The following ESR1 variants were observed in gnomAD, a reference collection of about 807,000 sequenced individuals.
The protein encoded by ESR1 is estrogen receptor 1.
In ESR1, 12 loss-of-function variants were observed where a neutral mutation model predicts 52.7. The ratio of observed to expected loss-of-function variants is 0.23; its 90% CI spans 0.15 to 0.37. The LOEUF (loss-of-function observed/expected upper bound fraction) is 0.37, where lower values mean the gene tolerates loss of function less well. Among genes scored for constraint, ESR1 ranks in the 10% least tolerant of loss-of-function variants. The pLI, the probability that ESR1 is intolerant of heterozygous loss-of-function variation, is 1.00. For synonymous variants in ESR1, 305 were observed against 316.8 expected, an observed-to-expected ratio of 0.96 and a Z score of 0.39; for missense variants, 584 against 779.7, an observed-to-expected ratio of 0.75 and a Z score of 2.99.
chr6:151,678,735 G>A (rs1471376678), intron 1 of ESR1, among the ~76,000 whole-genome samples: 1 of 150,130 alleles, frequency 6.7e-6, no homozygotes, highest in African/African-American at 2.4e-5. Context: ...TGCCTGGGCT[G>A]GAGTACAGTG....
At chr6:151,954,305 TGA>T (rs578200624) in intron 4 of ESR1, among the ~76,000 whole-genome samples, 256 of 152,346 alleles carry the variant, frequency 1.7e-3, no homozygotes, top group Non-Finnish European at 3.2e-3. Flanking sequence ...TTACAATTCT[TGA>T]GACAAATTCA....
intron 4 of ESR1, among the ~76,000 whole-genome samples, chr6:151,980,501 AC>A (rs1424330841): frequency 2.6e-5 from 4 of 152,176 alleles, no homozygotes; most frequent in African/African-American, 9.7e-5. Context: ...GTTTGTTTGA[AC>A]AAAAATCAAA....
chr6:151,774,831 A>C (rs1026993181), intron 2 of ESR1, among the ~76,000 whole-genome samples: 1 of 152,266 alleles, frequency 6.6e-6, no homozygotes, highest in African/African-American at 2.4e-5. Context: ...ATAACTGTAC[A>C]TAACCATACA....
chr6:151,771,804 G>A (rs1583213383), intron 2 of ESR1, among the ~76,000 whole-genome samples: 1 of 151,802 alleles, frequency 6.6e-6, no homozygotes, highest in East Asian at 1.9e-4. Flanking sequence ...TGTATTGTTT[G>A]AATCTTTAAA....
intron 6 of ESR1, among the ~76,000 whole-genome samples, chr6:152,111,500 T>C (rs1471654082): frequency 6.6e-6 from 1 of 152,224 alleles, no homozygotes; most frequent in Non-Finnish European, 1.5e-5. Context: ...TGCCTTTTCA[T>C]TGAGAAATCA....
intron 2 of ESR1, among the ~76,000 whole-genome samples, chr6:151,723,471 A>G (rs1315873103): frequency 6.6e-6 from 1 of 152,208 alleles, no homozygotes; most frequent in Non-Finnish European, 1.5e-5. Context: ...CTTCTCAGGG[A>G]AACATTTACC....
intron 3 of ESR1, among the ~76,000 whole-genome samples, chr6:151,943,421 C>CT (rs948148585): frequency 1.2e-4 from 18 of 151,328 alleles, no homozygotes; most frequent in Admixed American, 1.1e-3. Context: ...AAAAAACCAC[C>CT]TTTGGGGGGA....
At chr6:151,980,037 A>C (rs1219465478) in intron 4 of ESR1, among the ~76,000 whole-genome samples, 1 of 152,176 alleles carries the variant, frequency 6.6e-6, no homozygotes, top group African/African-American at 2.4e-5. Flanking sequence ...ACATTTCGTT[A>C]AATATTTACT....
chr6:151,999,794 A>T (rs1189481588), intron 4 of ESR1, among the ~76,000 whole-genome samples: 1 of 152,124 alleles, frequency 6.6e-6, no homozygotes, highest in African/African-American at 2.4e-5. Context: ...ATAAATACCC[A>T]GGCATTTTTA....
intron 2 of ESR1, among the ~76,000 whole-genome samples, chr6:151,798,693 A>G (rs1468398375): frequency 6.6e-6 from 1 of 152,228 alleles, no homozygotes; most frequent in Non-Finnish European, 1.5e-5. Context: ...TCTTTTGGAA[A>G]TTGAACTGTG....
At chr6:151,823,804 T>C (rs1360821356) in intron 1 of ESR1, among the ~76,000 whole-genome samples, 1 of 152,242 alleles carries the variant, frequency 6.6e-6, no homozygotes, top group Admixed American at 6.5e-5. Context: ...CATGAACTCA[T>C]CCTTTTTTAT....
intron 2 of ESR1, among the ~76,000 whole-genome samples, chr6:151,793,656 T>C (rs1201426775): frequency 2.6e-5 from 4 of 152,212 alleles, no homozygotes; most frequent in African/African-American, 9.6e-5. Context: ...GCAATAGGAA[T>C]TTTTCAGCTC....
chr6:151,868,313 A>C (rs1790334909), intron 2 of ESR1, among the ~76,000 whole-genome samples: 1 of 152,044 alleles, frequency 6.6e-6, no homozygotes, highest in African/African-American at 2.4e-5. Flanking sequence ...TTTTTAGTAG[A>C]GATGGGGTTT....
intron 6 of ESR1, among the ~76,000 whole-genome samples, chr6:152,085,700 T>G (rs1054662677): frequency 3.3e-5 from 5 of 151,184 alleles, no homozygotes; most frequent in Non-Finnish European, 7.4e-5. Context: ...GTGTCCCAGC[T>G]GACAAAAAAA....
chr6:151,664,131 A>G (rs1246627433), intron 1 of ESR1, among the ~76,000 whole-genome samples: 1 of 152,228 alleles, frequency 6.6e-6, no homozygotes, highest in Non-Finnish European at 1.5e-5. Flanking sequence ...AGTCAAAAAG[A>G]AAAGGCTGAA....
intron 6 of ESR1, among the ~76,000 whole-genome samples, chr6:152,077,422 G>T (rs2129000677): frequency 6.6e-6 from 1 of 152,294 alleles, no homozygotes; most frequent in Middle Eastern, 3.4e-3. Context: ...AGGGAAATGT[G>T]GGGTTGGAAC....
At position 152,100,032 on chromosome 6, in the gene ESR1, GA is replaced by G. The variant is rs2050908212; in HGVS notation, c.*1069del. On this transcript the variant is annotated 3_prime_UTR_variant, in exon 8 of 8. Coordinates refer to ENST00000206249, the MANE Select transcript of ESR1 (RefSeq NM_000125.4). ...GTTGTGGCTACTAGAGAACAAGAGG[GA>G]AAGTAGGGCAGAAACTGGATACAGT... is the stretch of plus-strand genomic sequence containing the variant. The G allele has an allele frequency of 2.5e-6, 1 of 398,842 alleles. No individual in the cohort carries two copies. Among genetic ancestry groups the G allele is most frequent in the South Asian group, 1.3e-4 (1 of 7,864 alleles). 24.7% of individuals were successfully genotyped at this position (398,842 alleles called of 1,614,324 possible). A position where few individuals can be genotyped will look rare whatever the true frequency, so the allele number is the denominator to read the frequency against.
At chr6:151,922,470 C>A (rs187682473) in intron 3 of ESR1, among the ~76,000 whole-genome samples, 23 of 152,314 alleles carry the variant, frequency 1.5e-4, no homozygotes, top group African/African-American at 5.3e-4. Flanking sequence ...ATCTAGAACC[C>A]ATGAATATTT....
rs574220072 is a variant in ESR1, at chr6:151,668,137, C to G, written n.73+11374C>G. 2.0e-5 allele frequency among the ~76,000 whole-genome samples: 3 copies of G among 152,226 alleles called. No homozygotes were observed. In the South Asian group the frequency reaches 6.2e-4, roughly 32 times the overall value. On this transcript the variant is annotated intron_variant and non_coding_transcript_variant, in intron 1 of 2. Transcript: ENST00000473497. ...AATTTATTTCTCGTGGTTCTGGTGA[C>G]TAGGAAGTCCAAGATCAAGGCACCA...
Sources: gnomAD v4.1 joint callset for allele counts (sites outside exome capture counted in the v4.1 genomes callset) on GRCh38, gnomAD v4.1.1 for gene constraint, MANE v1.5 for transcripts, NCBI Gene and HGNC (gene_info 2026-07-23, HGNC 2026-07-21) for gene names.